The following SDK1 variants were observed in gnomAD, a reference collection of about 807,000 sequenced individuals.
The protein encoded by SDK1 is protein sidekick-1.
SDK1 carries 157 observed loss-of-function variants against 245.5 expected under a neutral mutation model. The ratio of observed to expected loss-of-function variants is 0.64; its 90% CI spans 0.56 to 0.73. The LOEUF (loss-of-function observed/expected upper bound fraction) is 0.73, where lower values mean the gene tolerates loss of function less well. Among genes scored for constraint, SDK1 ranks in the 30% least tolerant of loss-of-function variants. SDK1 has a pLI of 0.00. For synonymous variants in SDK1, 1,647 were observed against 1,278.5 expected (o/e 1.29, Z -6.15); for missense variants, 3,583 against 3,002.3 (o/e 1.19, Z -4.52).
At position 3,377,488 on chromosome 7, in the gene SDK1, C is replaced by T. The variant is rs562817770; in HGVS notation, c.298+75604C>T. On this transcript the variant is annotated intron_variant, in intron 1 of 44. Transcript: ENST00000404826. ...CTGTTTGGGTGGGGAAAGCTGGGTT[C>T]CCCCCACACTGCTATCATAAGCAGT... 4.6e-5 allele frequency among the ~76,000 whole-genome samples: 7 copies of T among 152,108 alleles called. No homozygotes were observed. The South Asian group carries it at 1.2e-3, about 27-fold the overall frequency.
intron 35 of SDK1, among the ~76,000 whole-genome samples, chr7:4,195,605 T>C (rs1421190133): frequency 6.6e-6 from 1 of 152,136 alleles, no homozygotes; most frequent in African/African-American, 2.4e-5. Context: ...TTGTCCAAAA[T>C]TGAGTTTCTG....
At chr7:3,667,258 A>G (rs1344129480) in intron 4 of SDK1, among the ~76,000 whole-genome samples, 1 of 152,250 alleles carries the variant, frequency 6.6e-6, no homozygotes, top group Non-Finnish European at 1.5e-5. Flanking sequence ...ATTATAAAAA[A>G]CACACATTTG....
intron 1 of SDK1, among the ~76,000 whole-genome samples, chr7:3,432,153 AT>A (rs1164844626): frequency 2.0e-5 from 3 of 148,428 alleles, no homozygotes; most frequent in Non-Finnish European, 3.0e-5. Context: ...TATTTAAAAA[AT>A]ATATATTTTT....
At chr7:3,777,794 C>G (rs1241089650) in intron 4 of SDK1, among the ~76,000 whole-genome samples, 3 of 152,212 alleles carry the variant, frequency 2.0e-5, no homozygotes, top group African/African-American at 4.8e-5. Flanking sequence ...GTATATATTA[C>G]TTTGCAATCA....
chr7:4,102,635 A>T (rs373648086), intron 22 of SDK1, among the ~76,000 whole-genome samples: 10 of 152,072 alleles, frequency 6.6e-5, no homozygotes, highest in African/African-American at 2.2e-4. Context: ...TGAGCTCACC[A>T]TGGCCACCAG....
intron 14 of SDK1, among the ~76,000 whole-genome samples, chr7:3,989,234 G>C (rs1784106619): frequency 1.3e-5 from 2 of 152,188 alleles, no homozygotes; most frequent in Non-Finnish European, 2.9e-5. Flanking sequence ...CATGGTGGAA[G>C]GTGAAAGTCA....
At position 3,346,823 on chromosome 7, in the gene SDK1, ATATATTTTTTTTT is replaced by A. The variant is rs1481046575; in HGVS notation, c.298+44941_298+44953del. Among the ~76,000 whole-genome samples, 274 of 28,230 alleles carry A rather than the reference ATATATTTTTTTTT, an allele frequency of 9.7e-3. 7 individuals are homozygous for A. The highest frequency in any genetic ancestry group is 0.037 in the African/African-American group (258 of 6,984). 18.5% of individuals were successfully genotyped at this position (28,230 alleles called of 152,430 possible). ...TGTGTGTGTGTATATATATATATAT[ATATATTTTTTTTT>A]TTTTTTTTTTTTTTTGGTATAGCAG... is the stretch of plus-strand genomic sequence containing the variant. On this transcript the variant is annotated intron_variant, in intron 1 of 44. Coordinates refer to ENST00000404826, the MANE Select transcript of SDK1 (RefSeq NM_152744.4).
intron 1 of SDK1, among the ~76,000 whole-genome samples, chr7:3,596,753 G>A (rs948261065): frequency 9.2e-5 from 14 of 152,278 alleles, no homozygotes; most frequent in African/African-American, 2.4e-4. Context: ...TTAATTGAGC[G>A]AAGACTAATT....
At chr7:3,319,271 C>T (rs968216033) in intron 1 of SDK1, among the ~76,000 whole-genome samples, 2 of 152,156 alleles carry the variant, frequency 1.3e-5, no homozygotes, top group Non-Finnish European at 2.9e-5. Flanking sequence ...CCCTTTTCCA[C>T]AGGAGAGGGA....
At chr7:3,821,030 G>C (rs1354146403) in intron 4 of SDK1, among the ~76,000 whole-genome samples, 1 of 152,208 alleles carries the variant, frequency 6.6e-6, no homozygotes, top group Non-Finnish European at 1.5e-5. Flanking sequence ...CTCCCTCGAG[G>C]TGGAGAAAAC....
chr7:3,361,328 A>G (rs907589516), intron 1 of SDK1, among the ~76,000 whole-genome samples: 1 of 152,218 alleles, frequency 6.6e-6, no homozygotes, highest in African/African-American at 2.4e-5. Context: ...TATGGTGAGA[A>G]CATTTGCATT....
At chr7:3,938,223 G>A (rs1780228852) in intron 5 of SDK1, among the ~76,000 whole-genome samples, 2 of 152,164 alleles carry the variant, frequency 1.3e-5, no homozygotes, top group South Asian at 2.1e-4. Flanking sequence ...TTCAGAAGTG[G>A]ACCTAATCTT....
intron 5 of SDK1, among the ~76,000 whole-genome samples, chr7:3,922,425 T>C (rs1173259709): frequency 2.6e-5 from 4 of 152,246 alleles, no homozygotes; most frequent in Non-Finnish European, 4.4e-5. Context: ...CAGTAAGTGC[T>C]GAGTCAGGGC....
chr7:3,387,094 C>T (rs1392803156), intron 1 of SDK1, among the ~76,000 whole-genome samples: 10 of 152,128 alleles, frequency 6.6e-5, no homozygotes, highest in African/African-American at 2.4e-4. Context: ...GGCTGACACG[C>T]CTCTGAACCA....
chr7:3,532,898 G>A (rs1312788675), intron 1 of SDK1, among the ~76,000 whole-genome samples: 1 of 151,968 alleles, frequency 6.6e-6, no homozygotes, highest in African/African-American at 2.4e-5. Context: ...TCTCCTCCCT[G>A]CCTCTGGACT....
chr7:3,685,182 A>G (rs149953973), intron 4 of SDK1, among the ~76,000 whole-genome samples: 6 of 150,818 alleles, frequency 4.0e-5, no homozygotes, highest in Admixed American at 1.3e-4. Context: ...TTATACCAAG[A>G]CACATCATAA....
intron 1 of SDK1, among the ~76,000 whole-genome samples, chr7:3,597,753 G>C (rs1238969886): frequency 6.6e-6 from 1 of 152,188 alleles, no homozygotes; most frequent in African/African-American, 2.4e-5. Context: ...ATACAGTACA[G>C]ACAGTTTTGT....
chr7:3,360,198 G>T (rs1464942844), intron 1 of SDK1, among the ~76,000 whole-genome samples: 2 of 152,158 alleles, frequency 1.3e-5, no homozygotes, highest in Non-Finnish European at 2.9e-5. Flanking sequence ...ACTCCAAGAG[G>T]TCAGGAGTCA....
intron 14 of SDK1, among the ~76,000 whole-genome samples, chr7:4,008,385 G>T (rs1353755260): frequency 2.0e-5 from 3 of 152,246 alleles, no homozygotes; most frequent in African/African-American, 2.4e-5. Flanking sequence ...TTACTTCTGC[G>T]CAGAGGGGTG....
Sources: gnomAD v4.1 joint callset for allele counts (sites outside exome capture counted in the v4.1 genomes callset) on GRCh38, gnomAD v4.1.1 for gene constraint, MANE v1.5 for transcripts, NCBI Gene and HGNC (gene_info 2026-07-23, HGNC 2026-07-21) for gene names.